Variants in TMEM108 observed in about 807,000 individuals in gnomAD.
The protein encoded by TMEM108 is cancer/testis antigen 124.
In TMEM108, 12 loss-of-function variants were observed where a neutral mutation model predicts 35.1. The observed-to-expected ratio is 0.34, with a 90% CI of 0.22 to 0.55. The LOEUF is 0.55. TMEM108 is among the 20% of genes least tolerant of loss of function. The pLI, the probability that TMEM108 is intolerant of heterozygous loss-of-function variation, is 0.89. For synonymous variants in TMEM108, 287 were observed against 308.6 expected (o/e 0.93, Z 0.73); for missense variants, 680 against 753.3 (o/e 0.90, Z 1.14).
At chr3:133,231,467 C>T (rs1348228890) in intron 3 of TMEM108, among the ~76,000 whole-genome samples, 2 of 152,174 alleles carry the variant, frequency 1.3e-5, no homozygotes, top group African/African-American at 4.8e-5. Flanking sequence ...GGTCATCTCA[C>T]ATGGAAAGTT....
chr3:133,101,760 C>T (rs560683872), intron 2 of TMEM108, among the ~76,000 whole-genome samples: 2 of 152,310 alleles, frequency 1.3e-5, no homozygotes, highest in East Asian at 1.9e-4. Context: ...AGGAACAAGA[C>T]CTTTCCTTTG....
At chr3:133,059,416 G>C (rs888387465) in intron 2 of TMEM108, among the ~76,000 whole-genome samples, 3 of 152,116 alleles carry the variant, frequency 2.0e-5, no homozygotes, top group African/African-American at 7.2e-5. Context: ...AAAGCAGTCT[G>C]CCTAAGATTG....
intron 3 of TMEM108, among the ~76,000 whole-genome samples, chr3:133,309,086 T>A (rs908229154): frequency 1.1e-4 from 17 of 152,232 alleles, no homozygotes; most frequent in Non-Finnish European, 2.1e-4. Context: ...TGGTTTAGTC[T>A]TGGGAGGGTG....
At chr3:133,044,102 C>T (rs1028650582) in intron 1 of TMEM108, among the ~76,000 whole-genome samples, 11 of 152,148 alleles carry the variant, frequency 7.2e-5, no homozygotes, top group Admixed American at 5.9e-4. Flanking sequence ...TCTTTTTGGC[C>T]AAAGTAATAT....
At chr3:133,297,208 G>T (rs1947158223) in intron 3 of TMEM108, among the ~76,000 whole-genome samples, 1 of 152,236 alleles carries the variant, frequency 6.6e-6, no homozygotes, top group South Asian at 2.1e-4. Context: ...GTGCGTGGCT[G>T]AGGCACACTT....
chr3:133,131,030 G>T (rs1215474194), intron 2 of TMEM108, among the ~76,000 whole-genome samples: 1 of 152,176 alleles, frequency 6.6e-6, no homozygotes, highest in Admixed American at 6.5e-5. Context: ...TCATTTTTGA[G>T]CTGGTGTCTG....
intron 2 of TMEM108, among the ~76,000 whole-genome samples, chr3:133,193,141 G>A (rs992739396): frequency 1.3e-5 from 2 of 152,160 alleles, no homozygotes; most frequent in Non-Finnish European, 2.9e-5. Flanking sequence ...GGGAGCAGAA[G>A]TGTGTGGATC....
intron 2 of TMEM108, among the ~76,000 whole-genome samples, chr3:133,056,399 T>C (rs960173509): frequency 6.6e-6 from 1 of 152,224 alleles, no homozygotes; most frequent in African/African-American, 2.4e-5. Flanking sequence ...TATCATTTTT[T>C]AGAAATGTGA....
At chr3:133,124,973 G>A (rs957094166) in intron 2 of TMEM108, 5 of 152,190 alleles carry the variant, frequency 3.3e-5, no homozygotes, top group African/African-American at 1.2e-4. Context: ...AAAATAAAGA[G>A]CAGATTAACT....
At chr3:133,209,839 GTCTGGGGGTGGCTTCCCACACCC>G (rs985768807) in intron 2 of TMEM108, among the ~76,000 whole-genome samples, 1 of 152,086 alleles carries the variant, frequency 6.6e-6, no homozygotes, top group African/African-American at 2.4e-5. Flanking sequence ...CAAGCTCATA[GTCTGGGGGTGGCTTCCCACACCC>G]TCTTCACTTC....
intron 2 of TMEM108, among the ~76,000 whole-genome samples, chr3:133,071,966 T>C (rs1423673519): frequency 6.6e-6 from 1 of 152,190 alleles, no homozygotes; most frequent in Non-Finnish European, 1.5e-5. Context: ...GACATTTAGG[T>C]CTTTAATCCA....
Position 133,217,264 on chromosome 3 carries a change from C to T in TMEM108, c.-46-12002C>T, listed in dbSNP as rs149337920. Reference sequence around the variant, plus strand: ...GAAATGTCTATTCAGTTTTTTTGCTCATTTTTTAATCTGGTTGTTTTCTTA... The same window carrying T: ...GAAATGTCTATTCAGTTTTTTTGCTTATTTTTTAATCTGGTTGTTTTCTTA... On this transcript the variant is annotated intron_variant, in intron 2 of 5. Transcript: ENST00000321871. Among the ~76,000 whole-genome samples the T allele has an allele frequency of 3.6e-4, 55 of 152,034 alleles. No individual in the cohort carries two copies. In the East Asian group the frequency reaches 9.8e-3, roughly 27 times the overall value.
At chr3:133,237,700 C>T (rs1946258322) in intron 3 of TMEM108, among the ~76,000 whole-genome samples, 1 of 152,118 alleles carries the variant, frequency 6.6e-6, no homozygotes, top group South Asian at 2.1e-4. Flanking sequence ...AGATTGAATG[C>T]AGAAGCTGAT....
Position 133,380,008 on chromosome 3 carries a change from C to T in TMEM108, c.297C>T (p.Thr99=), listed in dbSNP as rs761732961. 2.9e-5 allele frequency: 47 copies of T among 1,613,926 alleles called. No homozygotes were observed. Among genetic ancestry groups the T allele is most frequent in the Non-Finnish European group, 3.9e-5 (46 of 1,179,998 alleles). The change falls in exon 4 of 6, where the codon ACC becomes ACT. Residue 99 remains threonine, a synonymous_variant. Transcript: ENST00000321871. This position sits in a 1 kb window ranked among gnomAD's most constrained non-coding sequence, Gnocchi z 5.3. ...ACCCTCCTACGCACACCATCTCCAC[C>T]ATCGCTGCGACAGTAACCGCCCCCC... is the stretch of plus-strand genomic sequence containing the variant. ...EGHPPTHTIS[T]IAATVTAPHS... is the part of the protein sequence containing the mutation.
Position 133,396,289 on chromosome 3 carries a change from G to A in TMEM108, c.*303G>A, listed in dbSNP as rs1282941344. On this transcript the variant is annotated 3_prime_UTR_variant, in exon 6 of 6. Coordinates refer to ENST00000321871, the MANE Select transcript of TMEM108 (RefSeq NM_023943.4). Reference sequence around the variant, plus strand: ...ATCCCAGGAACCCTGGTCAGGTGAGGTAAGAGACTGACCTCCTGTAGAAGC... The same window carrying A: ...ATCCCAGGAACCCTGGTCAGGTGAGATAAGAGACTGACCTCCTGTAGAAGC... The A allele has an allele frequency of 6.5e-6, 1 of 153,978 alleles. No individual in the cohort carries two copies. Among genetic ancestry groups the A allele is most frequent in the Non-Finnish European group, 1.4e-5 (1 of 70,536 alleles). The allele number at this position is 153,978 out of a possible 1,614,324, so 9.5% of individuals were successfully genotyped here.
intron 2 of TMEM108, among the ~76,000 whole-genome samples, chr3:133,168,024 G>A (rs980334146): frequency 6.6e-6 from 1 of 152,222 alleles, no homozygotes; most frequent in African/African-American, 2.4e-5. Flanking sequence ...TGGTATCTTA[G>A]TGCCACAGAG....
intron 3 of TMEM108, among the ~76,000 whole-genome samples, chr3:133,272,194 A>G (rs1320456510): frequency 6.6e-6 from 1 of 151,654 alleles, no homozygotes; most frequent in African/African-American, 2.4e-5. Flanking sequence ...TGTGTCATCT[A>G]ACACTTAGGG....
chr3:133,317,376 A>G (rs531505793), intron 3 of TMEM108, among the ~76,000 whole-genome samples: 1 of 152,210 alleles, frequency 6.6e-6, no homozygotes, highest in African/African-American at 2.4e-5. Context: ...ACTATCTCAC[A>G]GGGTGAAAAA....
intron 3 of TMEM108, among the ~76,000 whole-genome samples, chr3:133,290,224 A>G (rs1947043743): frequency 6.6e-6 from 1 of 152,204 alleles, no homozygotes; most frequent in Non-Finnish European, 1.5e-5. Context: ...TAAGCTGACA[A>G]TTTGGTAAAG....
Sources: gnomAD v4.1 joint callset for allele counts (sites outside exome capture counted in the v4.1 genomes callset) on GRCh38, gnomAD v4.1.1 for gene constraint, Gnocchi (gnomAD v3.1) non-coding constraint, MANE v1.5 for transcripts, NCBI Gene and HGNC (gene_info 2026-07-23, HGNC 2026-07-21) for gene names.